MTA3: variants seen among roughly 807,000 people sequenced by gnomAD.
MTA3 encodes the protein metastasis-associated protein MTA3.
In MTA3, 34 loss-of-function variants were observed where a neutral mutation model predicts 83.5. The ratio of observed to expected loss-of-function variants is 0.41; its 90% CI spans 0.31 to 0.54. MTA3 has a LOEUF of 0.54. Among genes scored for constraint, MTA3 ranks in the 20% least tolerant of loss-of-function variants. The probability of loss-of-function intolerance (pLI) is 0.33; values close to 1 mark genes in which losing one functional copy is unlikely to be tolerated. For synonymous variants in MTA3, 303 were observed against 252.7 expected, an observed-to-expected ratio of 1.20 and a Z score of -1.89; for missense variants, 761 against 726.4, an observed-to-expected ratio of 1.05 and a Z score of -0.55.
At chr2:42,551,994 G>A (rs1677130817) in intron 2 of MTA3, among the ~76,000 whole-genome samples, 1 of 152,086 alleles carries the variant, frequency 6.6e-6, no homozygotes. Flanking sequence ...CCAAAGTGCT[G>A]GGATTACAAG....
At chr2:42,531,157 C>T (rs1675945656) in intron 2 of MTA3, among the ~76,000 whole-genome samples, 1 of 152,046 alleles carries the variant, frequency 6.6e-6, no homozygotes, top group Non-Finnish European at 1.5e-5. Context: ...GAGGTGGAGC[C>T]TGTTGGTAAG....
At chr2:42,610,379 T>G (rs780679421) in intron 4 of MTA3, among the ~76,000 whole-genome samples, 3 of 152,230 alleles carry the variant, frequency 2.0e-5, no homozygotes, top group African/African-American at 4.8e-5. Context: ...TTACTATTCC[T>G]TAATAACACC....
At chr2:42,594,854 G>A (rs1175855029) in intron 3 of MTA3, among the ~76,000 whole-genome samples, 1 of 144,064 alleles carries the variant, frequency 6.9e-6, no homozygotes, top group Non-Finnish European at 1.5e-5. Context: ...AGCCTCCCAA[G>A]TAGCTGGGAC....
chr2:42,718,561 G>A (rs939035519), intron 14 of MTA3, among the ~76,000 whole-genome samples: 2 of 151,036 alleles, frequency 1.3e-5, no homozygotes, highest in African/African-American at 4.9e-5. Flanking sequence ...TTAGGAGTTC[G>A]AGACCAGCCT....
intron 2 of MTA3, among the ~76,000 whole-genome samples, chr2:42,519,548 T>C (rs892378740): frequency 1.3e-5 from 2 of 151,284 alleles, no homozygotes; most frequent in African/African-American, 4.9e-5. Flanking sequence ...AGAGGTTGCA[T>C]TGAGCCCAGA....
At chr2:42,713,385 C>G (rs758892282) in intron 14 of MTA3, among the ~76,000 whole-genome samples, 15 of 152,056 alleles carry the variant, frequency 9.9e-5, no homozygotes, top group Non-Finnish European at 1.9e-4. Context: ...AAATTTTAAG[C>G]TTGAATCATG....
At position 42,755,733 on chromosome 2, in the gene MTA3, G is replaced by T; in HGVS notation, c.*2334G>T. On this transcript the variant is annotated 3_prime_UTR_variant, in exon 17 of 17. Coordinates refer to ENST00000405094, the MANE Select transcript of MTA3 (RefSeq NM_001330442.2). ...CCCAGCCACCCGCTCCCTTTCTGGGGCCATGGTGTCCCTGCTGTGTGTCAG... is the reference window on the plus strand; with the variant it reads ...CCCAGCCACCCGCTCCCTTTCTGGGTCCATGGTGTCCCTGCTGTGTGTCAG... 4.1e-6 allele frequency: 4 copies of T among 985,650 alleles called. No individual in the cohort carries two copies. The highest frequency in any genetic ancestry group is 4.8e-6 in the Non-Finnish European group (4 of 830,098). 61.1% of individuals were successfully genotyped at this position (985,650 alleles called of 1,614,324 possible).
chr2:42,605,717 A>C (rs1428336028), intron 3 of MTA3, among the ~76,000 whole-genome samples: 4 of 102,506 alleles, frequency 3.9e-5, no homozygotes, highest in South Asian at 3.5e-4. Context: ...CGGGGGGCCG[A>C]CCCCCCCACC....
chr2:42,649,715 A>G (rs1688532060), intron 6 of MTA3, among the ~76,000 whole-genome samples: 1 of 152,204 alleles, frequency 6.6e-6, no homozygotes, highest in Admixed American at 6.5e-5. Context: ...AATCTGAGGC[A>G]CTTTCCACTG....
chr2:42,625,032 T>G (rs1318485741), intron 4 of MTA3, among the ~76,000 whole-genome samples: 1 of 152,170 alleles, frequency 6.6e-6, no homozygotes, highest in East Asian at 1.9e-4. Flanking sequence ...TTTCCTTTAT[T>G]TACTTTTTTA....
chr2:42,696,233 G>C (rs1289293544), intron 10 of MTA3, among the ~76,000 whole-genome samples: 1 of 152,118 alleles, frequency 6.6e-6, no homozygotes, highest in Non-Finnish European at 1.5e-5. Context: ...TGTTTTTAAA[G>C]ATCTTCTGAA....
rs1361475006 is a variant in MTA3, at chr2:42,682,474, G to A, written c.776G>A (p.Gly259Glu). 6.2e-7 allele frequency: 1 copy of A among 1,612,318 alleles called. No homozygotes were observed. The highest frequency in any genetic ancestry group is 8.5e-7 in the Non-Finnish European group (1 of 1,179,292). The change falls in exon 9 of 17, where the codon GGA becomes GAA. Residue 259 changes from glycine to glutamate, a missense_variant. Physicochemically the swap from Gly to Glu is moderately conservative, Grantham distance 98. Transcript: ENST00000405094. ...GCCATTAGTGTCTTAGTACCACTCG[G>A]AGGACCTGTTTTATGCAGAGATGAA... Reference protein sequence around the residue: ...SSAISVLVPLGGPVLCRDEME... With the variant: ...SSAISVLVPLEGPVLCRDEME...
At chr2:42,548,262 C>T (rs987240375) in intron 2 of MTA3, among the ~76,000 whole-genome samples, 3 of 151,964 alleles carry the variant, frequency 2.0e-5, no homozygotes, top group Non-Finnish European at 2.9e-5. Flanking sequence ...GTCAGGAATT[C>T]GAGACCAGCC....
intron 6 of MTA3, among the ~76,000 whole-genome samples, chr2:42,650,974 G>GTA (rs1380427117): frequency 6.6e-6 from 1 of 152,078 alleles, no homozygotes; most frequent in Non-Finnish European, 1.5e-5. Flanking sequence ...ATCATAGAGC[G>GTA]TAATTCCACA....
intron 3 of MTA3, among the ~76,000 whole-genome samples, chr2:42,591,634 T>TTTTTTCTTTTA (rs57722026): frequency 6.7e-6 from 1 of 150,092 alleles, no homozygotes; most frequent in Non-Finnish European, 1.5e-5. Flanking sequence ...GCTTTTTTTC[T>TTTTTTCTTTTA]TTTTATTTTA....
At chr2:42,594,426 C>A (rs1415339739) in intron 3 of MTA3, among the ~76,000 whole-genome samples, 1 of 143,530 alleles carries the variant, frequency 7.0e-6, no homozygotes, top group Non-Finnish European at 1.5e-5. Flanking sequence ...TTAGTAGAGA[C>A]AGGGTTTCAC....
At chr2:42,529,865 G>A (rs1572931335) in intron 2 of MTA3, among the ~76,000 whole-genome samples, 2 of 152,304 alleles carry the variant, frequency 1.3e-5, no homozygotes, top group Admixed American at 1.3e-4. Flanking sequence ...ATCCAGATGA[G>A]TCGGTCAGAG....
intron 12 of MTA3, 96 bp downstream of exon 12, chr2:42,704,414 C>A: frequency 7.0e-7 from 1 of 1,437,644 alleles, no homozygotes; most frequent in Non-Finnish European, 9.5e-7. Context: ...TACGGTGCAC[C>A]TTGGAAGGCA....
chr2:42,555,185 C>T (rs558717047), intron 2 of MTA3, among the ~76,000 whole-genome samples: 13 of 151,724 alleles, frequency 8.6e-5, no homozygotes, highest in South Asian at 2.1e-4. Flanking sequence ...AAAAGGAGGC[C>T]GGACATTGTG....
Sources: gnomAD v4.1 joint callset for allele counts (sites outside exome capture counted in the v4.1 genomes callset) on GRCh38, gnomAD v4.1.1 for gene constraint, MANE v1.5 for transcripts, NCBI Gene and HGNC (gene_info 2026-07-23, HGNC 2026-07-21) for gene names.